The following TFG variants were observed in gnomAD, a reference collection of about 807,000 sequenced individuals.
TFG encodes trafficking from ER to golgi regulator.
Under a neutral mutation model 51.4 loss-of-function variants are expected in TFG, and 22 were observed. That is an observed-to-expected ratio of 0.43 (90% CI 0.31 to 0.61). TFG has a LOEUF of 0.61. Ranked by LOEUF, TFG falls within the 20% of genes least tolerant of loss-of-function variation. TFG has a pLI of 0.12. For synonymous variants in TFG, 187 were observed against 165.6 expected (o/e 1.13, Z -0.99); for missense variants, 419 against 487.7 (o/e 0.86, Z 1.33).
chr3:100,739,072 T>G (rs987344491), intron 6 of TFG, among the ~76,000 whole-genome samples: 1 of 152,174 alleles, frequency 6.6e-6, no homozygotes, highest in Admixed American at 6.5e-5. Flanking sequence ...TAGATAAATA[T>G]AGTCGTTATT....
rs186077668 is a variant in TFG at position 100,713,063 on chromosome 3, A to G, written c.-43-580A>G. 2.3e-3 allele frequency among the ~76,000 whole-genome samples: 353 copies of G among 152,348 alleles called. 1 individual carries two copies. Among genetic ancestry groups the G allele is most frequent in the African/African-American group, 8.3e-3 (346 of 41,576 alleles). Reference sequence around the variant, plus strand: ...AGAATGATACTAGGTTTTACTTAACAGTGTTAACTCTGGTGTTCTGAGACT... The same window carrying G: ...AGAATGATACTAGGTTTTACTTAACGGTGTTAACTCTGGTGTTCTGAGACT... On this transcript the variant is annotated intron_variant, in intron 1 of 7. Coordinates refer to ENST00000240851, the MANE Select transcript of TFG (RefSeq NM_006070.6).
chr3:100,730,906 C>T (rs1181694098), intron 4 of TFG, among the ~76,000 whole-genome samples: 3 of 152,114 alleles, frequency 2.0e-5, no homozygotes, highest in Non-Finnish European at 4.4e-5. Flanking sequence ...GTAAGACTGA[C>T]GTGGTATGCT....
chr3:100,728,414 A>G (rs2095081869), intron 3 of TFG, among the ~76,000 whole-genome samples: 1 of 151,790 alleles, frequency 6.6e-6, no homozygotes, highest in Non-Finnish European at 1.5e-5. Flanking sequence ...TATGATTTTT[A>G]TTAAATTTAA....
intron 2 of TFG, among the ~76,000 whole-genome samples, chr3:100,715,726 ATT>A (rs879744191): frequency 2.1e-5 from 3 of 144,788 alleles, no homozygotes. Context: ...TGATCAGTGA[ATT>A]TTTTTTTTTT....
At chr3:100,733,137 C>T (rs1294468757) in intron 5 of TFG, among the ~76,000 whole-genome samples, 1 of 152,034 alleles carries the variant, frequency 6.6e-6, no homozygotes, top group Non-Finnish European at 1.5e-5. Context: ...AAGTTTTTAA[C>T]CTTAAAGCAG....
intron 2 of TFG, among the ~76,000 whole-genome samples, chr3:100,716,757 T>TCATTTTCCTGATATGTGTG (rs2095047649): frequency 6.6e-6 from 1 of 152,188 alleles, no homozygotes; most frequent in Non-Finnish European, 1.5e-5. Context: ...GTTGTGGTCT[T>TCATTTTCCTGATATGTGTG]CATTTTCCTG....
chr3:100,748,471 TG>T lies in TFG; in HGVS notation c.1144del (p.Ala382ArgfsTer29). The T allele has an allele frequency of 6.2e-7, 1 of 1,614,110 alleles. No individual in the cohort carries two copies. The highest frequency in any genetic ancestry group is 8.5e-7 in the Non-Finnish European group (1 of 1,179,990). ...TPPPSGPNPY[A>X]RNRPPFGQGY... ...CTCCTCCAAGTGGGCCTAATCCTTA[TG>T]CGCGTAACCGTCCTCCCTTTGGTCA... On this transcript the variant is annotated frameshift_variant, in exon 8 of 8. Transcript: ENST00000240851. LOFTEE classifies it high-confidence loss of function.
intron 3 of TFG, among the ~76,000 whole-genome samples, chr3:100,727,407 A>T (rs1050979777): frequency 1.3e-5 from 2 of 151,562 alleles, no homozygotes; most frequent in Non-Finnish European, 1.5e-5. Context: ...TGGTGGTTTG[A>T]TTTTGAAACA....
At chr3:100,713,564 T>C in intron 1 of TFG, 79 bp from the exon 2 acceptor site, 1 of 573,142 alleles carries the variant, frequency 1.7e-6, no homozygotes, top group Non-Finnish European at 2.8e-6. Context: ...GGCTAGAGTT[T>C]CTTAGCATCT....
chr3:100,745,916 TA>T (rs2095133641), intron 7 of TFG, among the ~76,000 whole-genome samples: 1 of 152,212 alleles, frequency 6.6e-6, no homozygotes, highest in Admixed American at 6.5e-5. Context: ...CCACAAAGCC[TA>T]AACTATTTAC....
intron 7 of TFG, among the ~76,000 whole-genome samples, chr3:100,745,266 C>T (rs2095131961): frequency 6.6e-6 from 1 of 152,078 alleles, no homozygotes. Context: ...TCCACCTCTC[C>T]ATTTATATGT....
chr3:100,709,946 C>G (rs1429445958), intron 1 of TFG: 1 of 85,932 alleles, frequency 1.2e-5, no homozygotes, highest in Admixed American at 1.3e-4. Context: ...GAAGGGAGGT[C>G]GCGGAGGGGG....
intron 1 of TFG, among the ~76,000 whole-genome samples, chr3:100,711,718 G>T (rs773147150): frequency 6.6e-6 from 1 of 152,176 alleles, no homozygotes; most frequent in Non-Finnish European, 1.5e-5. Flanking sequence ...TTACATTATT[G>T]CTGGTTTACA....
At chr3:100,735,345 T>A (rs1177348334) in intron 5 of TFG, among the ~76,000 whole-genome samples, 1 of 152,234 alleles carries the variant, frequency 6.6e-6, no homozygotes, top group Non-Finnish European at 1.5e-5. Flanking sequence ...ATTAGTCTGC[T>A]GATAATAGCA....
chr3:100,732,479 A>G (rs199791485), intron 4 of TFG, 29 bp from the exon 5 acceptor site: 2 of 1,569,282 alleles, frequency 1.3e-6, no homozygotes, highest in East Asian at 4.5e-5. Flanking sequence ...AAAGGAAACA[A>G]GTTTTTGTTT....
intron 3 of TFG, among the ~76,000 whole-genome samples, chr3:100,720,969 A>C (rs1186309051): frequency 6.6e-6 from 1 of 152,106 alleles, no homozygotes; most frequent in African/African-American, 2.4e-5. Context: ...CATGAAACTT[A>C]GAGTTCAGTG....
chr3:100,730,907 G>C (rs1304910871), intron 4 of TFG, among the ~76,000 whole-genome samples: 1 of 152,182 alleles, frequency 6.6e-6, no homozygotes, highest in Non-Finnish European at 1.5e-5. Flanking sequence ...TAAGACTGAC[G>C]TGGTATGCTC....
chr3:100,736,771 T>A, intron 6 of TFG, 55 bp downstream of exon 6: 1 of 1,569,058 alleles, frequency 6.4e-7, no homozygotes, highest in Non-Finnish European at 8.7e-7. Context: ...GAAGTGTTTA[T>A]TACAGCATTG....
intron 3 of TFG, among the ~76,000 whole-genome samples, chr3:100,725,390 A>G (rs1056505463): frequency 2.0e-5 from 3 of 152,108 alleles, no homozygotes; most frequent in East Asian, 1.9e-4. Flanking sequence ...TTTAAAATCA[A>G]GTAGGGGAAT....
Sources: allele counts gnomAD v4.1 joint callset (sites outside exome capture counted in the v4.1 genomes callset), GRCh38; gene constraint gnomAD v4.1.1; transcripts MANE v1.5; gene names NCBI Gene and HGNC (gene_info 2026-07-23, HGNC 2026-07-21).